The following ADAMTS4 variants were observed in gnomAD, a reference collection of about 807,000 sequenced individuals.
ADAMTS4 encodes the protein ADAM metallopeptidase with thrombospondin type 1 motif 4.
ADAMTS4 carries 38 observed loss-of-function variants against 66.7 expected under a neutral mutation model. That is an observed-to-expected ratio of 0.57 (90% CI 0.44 to 0.75). The LOEUF is 0.75. Ranked by LOEUF, ADAMTS4 falls within the 30% of genes least tolerant of loss-of-function variation. The pLI, the probability that ADAMTS4 is intolerant of heterozygous loss-of-function variation, is 0.00. For missense variants in ADAMTS4, 1,014 were observed against 1,116.7 expected (o/e 0.91, Z 1.31); for synonymous variants, 418 against 461.5 (o/e 0.91, Z 1.21).
chr1:161,190,058 A>G lies in ADAMTS4; in HGVS notation c.*1080T>C, dbSNP rs1250530015. The G allele has an allele frequency of 6.6e-6, 1 of 151,780 alleles. No individual in the cohort carries two copies. 9.4% of individuals were successfully genotyped at this position (151,780 alleles called of 1,614,324 possible). On this transcript the variant is annotated 3_prime_UTR_variant, in exon 9 of 9. Transcript: ENST00000367996. ...CCCTGTCTCTACTAAAAATACAAAAATTAGTTGGGCGTGGCCAGGCACGGT... is the reference window on the plus strand; with the variant it reads ...CCCTGTCTCTACTAAAAATACAAAAGTTAGTTGGGCGTGGCCAGGCACGGT...
chr1:161,198,709 C>T lies in ADAMTS4; in HGVS notation c.-82G>A. The T allele has an allele frequency of 1.5e-6, 2 of 1,322,936 alleles. No homozygotes were observed. Among genetic ancestry groups the T allele is most frequent in the Non-Finnish European group, 2.0e-6 (2 of 994,024 alleles). 81.9% of individuals were successfully genotyped at this position (1,322,936 alleles called of 1,614,324 possible). A position where few individuals can be genotyped will look rare whatever the true frequency, so the allele number is the denominator to read the frequency against. On this transcript the variant is annotated 5_prime_UTR_variant, in exon 1 of 9. Transcript: ENST00000367996. The surrounding 1 kb of genome is among the most constrained non-coding windows in gnomAD (Gnocchi z 4.7). Reference sequence around the variant, plus strand: ...CACCCTAGCTTTGGAAAGCTCCTCTCTGTAGCCTGGGGGCTTGGACTCCTG... The same window carrying T: ...CACCCTAGCTTTGGAAAGCTCCTCTTTGTAGCCTGGGGGCTTGGACTCCTG...
In ADAMTS4 at chr1:161,192,161, C is replaced by T. The variant is rs751618429; in HGVS notation, c.1991G>A (p.Arg664His). 37 of 1,613,966 alleles carry T rather than the reference C, an allele frequency of 2.3e-5. No homozygotes were observed. In the Admixed American group the frequency reaches 2.7e-4, roughly 12 times the overall value. ...QGRCIHAGCDRIIGSKKKFDK... is the reference protein window; with the variant it reads ...QGRCIHAGCDHIIGSKKKFDK... The stretch of plus-strand genomic sequence containing the variant: ...AAACTTCTTCTTGGAGCCAATGATG[C>T]GATCACAGCCAGCATGGATGCATCG... Residue 664 changes from arginine to histidine, a missense_variant, in exon 8 of 9, where the codon CGC becomes CAC. Coordinates refer to ENST00000367996, the MANE Select transcript of ADAMTS4 (RefSeq NM_005099.6).
Position 161,190,828 on chromosome 1 carries a change from C to CTA in ADAMTS4, c.*308_*309dup, listed in dbSNP as rs1305126396. 1 of 289,420 alleles carries CTA rather than the reference C, an allele frequency of 3.5e-6. No individual in the cohort carries two copies. The highest frequency in any genetic ancestry group is 6.5e-6 in the Non-Finnish European group (1 of 152,992). The allele number at this position is 289,420 out of a possible 1,614,324, so 17.9% of individuals were successfully genotyped here. A position where few individuals can be genotyped will look rare whatever the true frequency, so the allele number is the denominator to read the frequency against. ...GGTGCTAAATAAAAGTGAATAAATACTAAATAAATACAACTGGGGCCCAGG... is the reference window on the plus strand; with the variant it reads ...GGTGCTAAATAAAAGTGAATAAATACTATAAATAAATACAACTGGGGCCCAGG... On this transcript the variant is annotated 3_prime_UTR_variant, in exon 9 of 9. Coordinates refer to ENST00000367996, the MANE Select transcript of ADAMTS4 (RefSeq NM_005099.6).
Position 161,192,120 on chromosome 1 carries a change from A to C in ADAMTS4, c.2032T>G (p.Cys678Gly). 1 of 1,614,076 alleles carries C rather than the reference A, an allele frequency of 6.2e-7. No homozygotes were observed. The highest frequency in any genetic ancestry group is 8.5e-7 in the Non-Finnish European group (1 of 1,180,030). ...CTGCAACCAGAACCGTCCCCTCCGC[A>C]CACCATGCACTTGTCAAACTTCTTC... ...SKKKFDKCMV[C>G]GGDGSGCSKQ... Residue 678 changes from cysteine to glycine, a missense_variant, in exon 8 of 9, where the codon TGC (cysteine) becomes GGC (glycine). Coordinates refer to ENST00000367996, the MANE Select transcript of ADAMTS4 (RefSeq NM_005099.6).
intron 3 of ADAMTS4, chr1:161,195,930 CACAG>C (rs2102015319): frequency 3.8e-6 from 2 of 524,544 alleles, no homozygotes; most frequent in East Asian, 3.2e-5. Flanking sequence ...AATACACACA[CACAG>C]ACACACACAC....
chr1:161,194,101 G>A lies in ADAMTS4; in HGVS notation c.1382C>T (p.Pro461Leu), dbSNP rs375012153. 2.0e-5 allele frequency: 33 copies of A among 1,614,126 alleles called. No individual in the cohort carries two copies. In the African/African-American group the frequency reaches 3.7e-4, roughly 18 times the overall value. Residue 461 changes from proline (P) to leucine (L), a missense_variant, in exon 5 of 9, where the codon CCA becomes CTA. Coordinates refer to ENST00000367996, the MANE Select transcript of ADAMTS4 (RefSeq NM_005099.6). The surrounding 1 kb of genome is among the most constrained non-coding windows in gnomAD (Gnocchi z 4.1). ...LTFGPDSRHC[P>L]QLPPPCAALW... ...GGCAGCACAGGGCGGCGGCAGCTGT[G>A]GACAATGGCGTGAGTCGGGCCCGAA...
In ADAMTS4 at chr1:161,195,667, G is replaced by A. The variant is rs188960280; in HGVS notation, c.1091-32C>T. ...GAGCAAAGGCCCTGATAGGATCTGA[G>A]GGTCCCTTCCCCATGCCCTGAGGGA... On this transcript the variant is annotated intron_variant, in intron 3 of 8. Transcript: ENST00000367996. The A allele has an allele frequency of 6.3e-6, 10 of 1,584,620 alleles. No individual in the cohort carries two copies. In the Admixed American group the frequency reaches 1.4e-4, roughly 22 times the overall value.
rs764447994 is a variant in ADAMTS4, at chr1:161,191,555, G to T, written c.2097C>A (p.Tyr699Ter). ...CCGCGGGGATAGTGACCACATTGTT[G>T]TATCCGTACCTGTGTGGAAGGAGTA... ...SGSFRKFRYG[Y>*]NNVVTIPAGA... Residue 699 changes from tyrosine to a stop codon, truncating the protein, a stop_gained, in exon 9 of 9, where the codon TAC becomes TAA. Transcript: ENST00000367996. LOFTEE classifies it low-confidence loss of function (END_TRUNC). The T allele has an allele frequency of 2.5e-6, 4 of 1,609,682 alleles. No homozygotes were observed. The highest frequency in any genetic ancestry group is 3.4e-6 in the Non-Finnish European group (4 of 1,177,546).
rs1391276698 is a variant in ADAMTS4 at position 161,194,678 on chromosome 1, T to C, written c.1262-457A>G. Among the ~76,000 whole-genome samples the C allele has an allele frequency of 6.6e-6, 1 of 152,240 alleles. No homozygotes were observed. The highest frequency in any genetic ancestry group is 2.4e-5 in the African/African-American group (1 of 41,470). On this transcript the variant is annotated intron_variant, in intron 4 of 8. Coordinates refer to ENST00000367996, the MANE Select transcript of ADAMTS4 (RefSeq NM_005099.6). The surrounding 1 kb of genome is among the most constrained non-coding windows in gnomAD (Gnocchi z 4.1). ...CATTGGGATTACAGGTGTAAGCCAC[T>C]GTGCCTAGCCCTGTAAGAGGCTTTA...
intron 8 of ADAMTS4, 82 bp downstream of exon 8, chr1:161,191,983 G>A: frequency 6.8e-7 from 1 of 1,478,836 alleles, no homozygotes; most frequent in East Asian, 2.3e-5. Flanking sequence ...CTTTGAGAGT[G>A]GAAACAGTGC....
At position 161,189,431 on chromosome 1, in the gene ADAMTS4, GTTGTTCTTGTTAT is replaced by G. The variant is rs908306766; in HGVS notation, c.*1694_*1706del. On this transcript the variant is annotated 3_prime_UTR_variant, in exon 9 of 9. Coordinates refer to ENST00000367996, the MANE Select transcript of ADAMTS4 (RefSeq NM_005099.6). ...CTAAGCACTCATTTGTGTTGATGCA[GTTGTTCTTGTTAT>G]TTGTTCTTGTTATCCTGCACCTTCA... 6.6e-6 allele frequency: 1 copy of G among 152,220 alleles called. No homozygotes were observed. The highest frequency in any genetic ancestry group is 1.5e-5 in the Non-Finnish European group (1 of 68,046). The allele number at this position is 152,220 out of a possible 1,614,324, so 9.4% of individuals were successfully genotyped here.
intron 2 of ADAMTS4, 62 bp downstream of exon 2, chr1:161,196,495 T>C: frequency 6.4e-7 from 1 of 1,559,942 alleles, no homozygotes; most frequent in Non-Finnish European, 8.7e-7. Context: ...CATCATAGTC[T>C]ATGTAGTGGC....
Position 161,192,389 on chromosome 1 carries a change from C to G in ADAMTS4, c.1912-149G>C, listed in dbSNP as rs967595008. 3.7e-5 allele frequency: 23 copies of G among 614,192 alleles called. No individual in the cohort carries two copies. The East Asian group carries it at 6.1e-4, about 16-fold the overall frequency. 38.0% of individuals were successfully genotyped at this position (614,192 alleles called of 1,614,324 possible). ...ATGTAGATGGGTGAGTGCCGGCCAC[C>G]ATGTGGGTGATAATCATAACAATAA... On this transcript the variant is annotated intron_variant, in intron 7 of 8. Coordinates refer to ENST00000367996, the MANE Select transcript of ADAMTS4 (RefSeq NM_005099.6).
At chr1:161,196,935 C>T (rs756644650) in intron 1 of ADAMTS4, 55 bp from the exon 2 acceptor site, 34 of 1,469,604 alleles carry the variant, frequency 2.3e-5, no homozygotes, top group South Asian at 7.8e-5. Flanking sequence ...ACCCATGGGT[C>T]GGTCGATTCT....
At chr1:161,191,640 G>A in intron 8 of ADAMTS4, 76 bp from the exon 9 acceptor site, 1 of 1,431,482 alleles carries the variant, frequency 7.0e-7, no homozygotes, top group South Asian at 1.3e-5. Flanking sequence ...TTATGTGACT[G>A]TATGTGTGTA....
Position 161,193,880 on chromosome 1 carries a change from A to C in ADAMTS4, c.1549-54T>G, listed in dbSNP as rs1664745059. 1 of 1,564,590 alleles carries C rather than the reference A, an allele frequency of 6.4e-7. No individual in the cohort carries two copies. Among genetic ancestry groups the C allele is most frequent in the Non-Finnish European group, 8.7e-7 (1 of 1,152,942 alleles). On this transcript the variant is annotated intron_variant, in intron 5 of 8. Transcript: ENST00000367996. This position sits in a 1 kb window ranked among gnomAD's most constrained non-coding sequence, Gnocchi z 4.4. ...ATAAGTGAACTCTCTCCTGGGCTTA[A>C]GGCCAGTCCCCACACCCCCGGGCCC...
chr1:161,192,594 G>T (rs1314235933), intron 7 of ADAMTS4, among the ~76,000 whole-genome samples: 1 of 152,036 alleles, frequency 6.6e-6, no homozygotes, highest in Non-Finnish European at 1.5e-5. Context: ...CACACAAATG[G>T]CAAGCAGAGG....
Position 161,194,914 on chromosome 1 carries a change from G to T in ADAMTS4, c.1261+551C>A, listed in dbSNP as rs1664774119. On this transcript the variant is annotated intron_variant, in intron 4 of 8. Transcript: ENST00000367996. This position sits in a 1 kb window ranked among gnomAD's most constrained non-coding sequence, Gnocchi z 4.1. ...ACAGAATAAGAGGCCAGGCATGGTG[G>T]CTTAATGTCTGTAATCCCAGCACTT... is the stretch of plus-strand genomic sequence containing the variant. 6.6e-6 allele frequency among the ~76,000 whole-genome samples: 1 copy of T among 152,216 alleles called. No homozygotes were observed. Among genetic ancestry groups the T allele is most frequent in the Non-Finnish European group, 1.5e-5 (1 of 68,050 alleles).
chr1:161,196,514 G>T, intron 2 of ADAMTS4, 43 bp downstream of exon 2: 1 of 1,593,580 alleles, frequency 6.3e-7, no homozygotes. Context: ...GCGCTTCTTA[G>T]AATTGTGCAG....
Sources: gnomAD v4.1 joint callset for allele counts (sites outside exome capture counted in the v4.1 genomes callset) on GRCh38, gnomAD v4.1.1 for gene constraint, Gnocchi (gnomAD v3.1) non-coding constraint, MANE v1.5 for transcripts, NCBI Gene and HGNC (gene_info 2026-07-23, HGNC 2026-07-21) for gene names.